Variants in PCNT observed in about 807,000 individuals in gnomAD.
PCNT encodes pericentrin.
In PCNT, 319 loss-of-function variants were observed where a neutral mutation model predicts 380.4. The ratio of observed to expected loss-of-function variants is 0.84; its 90% confidence interval spans 0.77 to 0.92. PCNT has a LOEUF of 0.92. Ranked by LOEUF, PCNT falls within the 40% of genes least tolerant of loss-of-function variation. PCNT has a pLI of 0.00. For missense variants in PCNT, 4,400 were observed against 4,255.3 expected (o/e 1.03, Z -0.95); for synonymous variants, 1,845 against 1,735.2 (o/e 1.06, Z -1.57).
chr21:46,443,765 C>G, intron 44 of PCNT, 45 bp from the exon 45 acceptor site: 1 of 1,602,270 alleles, frequency 6.2e-7, no homozygotes, highest in Non-Finnish European at 8.6e-7. Context: ...AAAATGCATT[C>G]ATTTATTTTC....
Position 46,411,418 on chromosome 21 carries a change from G to T in PCNT, c.5345G>T (p.Gly1782Val). Residue 1782 changes from glycine to valine, a missense_variant, in exon 28 of 47, where the codon GGC (glycine) becomes GTC (valine). Physicochemically the swap from Gly to Val is moderately radical, Grantham distance 109. Coordinates refer to ENST00000359568, the MANE Select transcript of PCNT (RefSeq NM_006031.6). ...GAGCTGCTCTGCTCCCAGGCCGGGG[G>T]CCCTCGTGGGCAGGCCCTACAGGGC... ...QSELLCSQAG[G>V]PRGQALQGEL... 3 of 1,613,016 alleles carry T rather than the reference G, an allele frequency of 1.9e-6. No individual in the cohort carries two copies. Among genetic ancestry groups the T allele is most frequent in the South Asian group, 1.1e-5 (1 of 91,068 alleles).
chr21:46,398,121 C>T lies in PCNT; in HGVS notation c.4554C>T (p.Arg1518=), dbSNP rs751932532. The T allele has an allele frequency of 3.2e-5, 51 of 1,605,684 alleles. No individual in the cohort carries two copies. In the African/African-American group the frequency reaches 3.7e-4, roughly 12 times the overall value. The change falls in exon 23 of 47, where the codon CGC becomes CGT. Residue 1518 remains arginine, a synonymous_variant. Transcript: ENST00000359568. ...QAAKPQPWGP[R]DSQQAPLDGE... Reference sequence around the variant, plus strand: ...CCAAGCCGCAGCCCTGGGGCCCTCGCGACAGCCAGGTGAGTCAGTGCAGCG... The same window carrying T: ...CCAAGCCGCAGCCCTGGGGCCCTCGTGACAGCCAGGTGAGTCAGTGCAGCG...
At chr21:46,355,118 G>A (rs1215912599) in intron 11 of PCNT, among the ~76,000 whole-genome samples, 9 of 152,178 alleles carry the variant, frequency 5.9e-5, no homozygotes, top group Non-Finnish European at 1.2e-4. Flanking sequence ...GGGGAGACGC[G>A]AGGGGCACGT....
chr21:46,404,438 G>A (rs2086563970), intron 27 of PCNT, among the ~76,000 whole-genome samples: 2 of 152,200 alleles, frequency 1.3e-5, no homozygotes, highest in East Asian at 3.8e-4. Flanking sequence ...AGGAGATAGT[G>A]CGTGTGAACG....
intron 29 of PCNT, among the ~76,000 whole-genome samples, chr21:46,414,389 C>T (rs1053629434): frequency 1.3e-5 from 2 of 151,942 alleles, no homozygotes; most frequent in African/African-American, 2.4e-5. Context: ...CCCTTCTCCT[C>T]CTTCTCCTCT....
chr21:46,431,184 G>C (rs1352264015), intron 37 of PCNT: 14 of 1,218,390 alleles, frequency 1.1e-5, no homozygotes, highest in Non-Finnish European at 1.4e-5. Context: ...CTCTGGTGGA[G>C]TGATTTTCTG....
At chr21:46,377,813 C>T (rs1267815147) in intron 15 of PCNT, among the ~76,000 whole-genome samples, 1 of 152,188 alleles carries the variant, frequency 6.6e-6, no homozygotes, top group Non-Finnish European at 1.5e-5. Flanking sequence ...CACCACTGCA[C>T]TCCAGGCTGC....
chr21:46,399,095 AG>A (rs11351330), intron 24 of PCNT, among the ~76,000 whole-genome samples: 18,413 of 152,218 alleles, frequency 0.12, 1,236 homozygotes, highest in South Asian at 0.21. Flanking sequence ...CTGGGATTAC[AG>A]GCGTGAGCCA....
chr21:46,363,783 C>A lies in PCNT; in HGVS notation c.2458C>A (p.Arg820Ser). 2 of 1,613,798 alleles carry A rather than the reference C, an allele frequency of 1.2e-6. No individual in the cohort carries two copies. Among genetic ancestry groups the A allele is most frequent in the Non-Finnish European group, 1.7e-6 (2 of 1,179,770 alleles). Residue 820 changes from arginine to serine, a missense_variant, in exon 14 of 47, where the codon CGC becomes AGC. Physicochemically the swap from Arg to Ser is moderately radical, Grantham distance 110 (BLOSUM62 -1). Transcript: ENST00000359568. The stretch of plus-strand genomic sequence containing the variant: ...GAGGTCCTTGACGGAGCAGCAGGGC[C>A]GCCTGCAGCAGCTGGAACAGGACCT... ...LERSLTEQQGRLQQLEQDLTS... is the reference protein window; with the variant it reads ...LERSLTEQQGSLQQLEQDLTS...
chr21:46,330,453 T>G (rs1044281874), intron 2 of PCNT, among the ~76,000 whole-genome samples: 1 of 152,192 alleles, frequency 6.6e-6, no homozygotes, highest in Non-Finnish European at 1.5e-5. Context: ...ATAGGTAAAC[T>G]AAGTAGTATG....
intron 15 of PCNT, among the ~76,000 whole-genome samples, chr21:46,371,960 CACAT>C: frequency 6.6e-6 from 1 of 151,120 alleles, no homozygotes; most frequent in Non-Finnish European, 1.5e-5. Flanking sequence ...GCACAAACAG[CACAT>C]ACATAGCACA....
Position 46,349,035 on chromosome 21 carries a change from T to G in PCNT, c.1056T>G (p.Ser352=). ...IVKTLKEDWE[S]EKDLCLENLR... is the part of the protein sequence containing the mutation. ...AGACCCTGAAGGAAGATTGGGAATC[T>G]GAAAAAGATTTATGTTTAGAAAATC... The change falls in exon 7 of 47, where the codon TCT becomes TCG. Residue 352 remains serine (S), a synonymous_variant. Transcript: ENST00000359568. 1.2e-6 allele frequency: 2 copies of G among 1,600,256 alleles called. No homozygotes were observed. Among genetic ancestry groups the G allele is most frequent in the Non-Finnish European group, 1.7e-6 (2 of 1,167,584 alleles).
Position 46,435,964 on chromosome 21 carries a change from G to C in PCNT, c.8812G>C (p.Val2938Leu). ...TAAGATCAAGCAGCTTCAGCAGACA[G>C]TGAGAGACCTGGAGTCGAAGGACGA... Reference protein sequence around the residue: ...LHKIKQLQQTVRDLESKDEVP... With the variant: ...LHKIKQLQQTLRDLESKDEVP... The change falls in exon 39 of 47, where the codon GTG (valine) becomes CTG (leucine). Residue 2938 changes from valine (V) to leucine (L), a missense_variant. Physicochemically the swap from Val to Leu is conservative, Grantham distance 32. Transcript: ENST00000359568. The C allele has an allele frequency of 6.2e-7, 1 of 1,614,198 alleles. No homozygotes were observed. The highest frequency in any genetic ancestry group is 8.5e-7 in the Non-Finnish European group (1 of 1,180,014).
intron 8 of PCNT, among the ~76,000 whole-genome samples, chr21:46,350,062 C>T (rs773444293): frequency 1.3e-5 from 2 of 152,074 alleles, no homozygotes; most frequent in Non-Finnish European, 2.9e-5. Context: ...ATCTGTAATC[C>T]CAGCTACTCG....
At chr21:46,386,543 C>T (rs548271445) in intron 17 of PCNT, among the ~76,000 whole-genome samples, 2 of 152,194 alleles carry the variant, frequency 1.3e-5, no homozygotes, top group Non-Finnish European at 2.9e-5. Flanking sequence ...TCTCCCAGGG[C>T]GGGGTGTGGG....
chr21:46,354,263 G>A (rs1175355048), intron 11 of PCNT, among the ~76,000 whole-genome samples, 195 bp downstream of exon 11: 1 of 152,222 alleles, frequency 6.6e-6, no homozygotes, highest in Non-Finnish European at 1.5e-5. Flanking sequence ...CAGGAAAGGG[G>A]GTGGCCGGGG....
intron 16 of PCNT, among the ~76,000 whole-genome samples, chr21:46,382,164 G>A (rs1223654400): frequency 1.4e-5 from 2 of 145,942 alleles, no homozygotes; most frequent in Admixed American, 6.9e-5. Context: ...CATTCATAGT[G>A]TAGATTCAGT....
rs549091120 is a variant in PCNT at position 46,432,293 on chromosome 21, C to A, written c.8751+78C>A. On this transcript the variant is annotated intron_variant, in intron 38 of 46. Coordinates refer to ENST00000359568, the MANE Select transcript of PCNT (RefSeq NM_006031.6). ...GAGTTAGGATGGTTCACGTGGGGGACGCGAGATTTATGTCTGGCCCTCTGA... is the reference window on the plus strand; with the variant it reads ...GAGTTAGGATGGTTCACGTGGGGGAAGCGAGATTTATGTCTGGCCCTCTGA... 1.1e-4 allele frequency: 148 copies of A among 1,399,196 alleles called. 2 individuals carry two copies. The East Asian group carries it at 2.3e-3, about 22-fold the overall frequency. 86.7% of individuals were successfully genotyped at this position (1,399,196 alleles called of 1,614,324 possible).
chr21:46,350,182 C>T (rs1187061946), intron 8 of PCNT, among the ~76,000 whole-genome samples: 1 of 151,708 alleles, frequency 6.6e-6, no homozygotes, highest in African/African-American at 2.4e-5. Flanking sequence ...GTCTCAAAAG[C>T]AAATAAATAA....
Sources: gnomAD v4.1 joint callset for allele counts (sites outside exome capture counted in the v4.1 genomes callset) on GRCh38, gnomAD v4.1.1 for gene constraint, MANE v1.5 for transcripts, NCBI Gene and HGNC (gene_info 2026-07-23, HGNC 2026-07-21) for gene names.